Variants in CRTC1 observed in about 807,000 individuals in gnomAD.
CRTC1 encodes CREB regulated transcription coactivator 1, also known as CREB-regulated transcription coactivator 1.
Under a neutral mutation model 66.1 loss-of-function variants are expected in CRTC1, and 18 were observed. The ratio of observed to expected loss-of-function variants is 0.27; its 90% confidence interval spans 0.19 to 0.40. CRTC1 has a LOEUF of 0.40. Ranked by LOEUF, CRTC1 falls within the 10% of genes least tolerant of loss-of-function variation. The pLI is 1.00. For synonymous variants in CRTC1, 416 were observed against 398.8 expected, an observed-to-expected ratio of 1.04 and a Z score of -0.51; for missense variants, 669 against 887.9, an observed-to-expected ratio of 0.75 and a Z score of 3.13.
chr19:18,742,306 C>T (rs1243092956), intron 1 of CRTC1, among the ~76,000 whole-genome samples: 1 of 152,154 alleles, frequency 6.6e-6, no homozygotes, highest in African/African-American at 2.4e-5. Flanking sequence ...CAGCTGGGCC[C>T]AGCCCCCAAG....
intron 3 of CRTC1, among the ~76,000 whole-genome samples, chr19:18,746,309 G>T (rs983862331): frequency 2.0e-5 from 3 of 152,202 alleles, no homozygotes; most frequent in African/African-American, 4.8e-5. Flanking sequence ...AGTCAGGGCT[G>T]TGAGCTGATG....
intron 1 of CRTC1, among the ~76,000 whole-genome samples, chr19:18,700,607 G>C (rs1040432323): frequency 6.6e-6 from 1 of 152,120 alleles, no homozygotes; most frequent in Non-Finnish European, 1.5e-5. Context: ...CTCTGCATCT[G>C]GCACCACTCA....
intron 6 of CRTC1, among the ~76,000 whole-genome samples, chr19:18,755,361 A>G (rs1219951584): frequency 1.3e-5 from 2 of 152,006 alleles, no homozygotes; most frequent in African/African-American, 2.4e-5. Context: ...CTGGACTTAA[A>G]CAGTCCTCTG....
chr19:18,694,163 T>C (rs1441243286), intron 1 of CRTC1, among the ~76,000 whole-genome samples: 1 of 146,418 alleles, frequency 6.8e-6, no homozygotes, highest in Non-Finnish European at 1.5e-5. Flanking sequence ...TAGGCTGGCA[T>C]GGTGGCTCAT....
chr19:18,747,036 C>A lies in CRTC1; in HGVS notation c.382-17C>A. ...CGGGGTCTCAGCCAGTGGCACTGCC[C>A]CCTTAACTCACCTCACGCCGACAGC... On this transcript the variant is annotated splice_polypyrimidine_tract_variant and intron_variant, in intron 3 of 13. Transcript: ENST00000321949. 2 of 1,612,482 alleles carry A rather than the reference C, an allele frequency of 1.2e-6. No homozygotes were observed. Among genetic ancestry groups the A allele is most frequent in the Non-Finnish European group, 1.7e-6 (2 of 1,179,158 alleles).
chr19:18,710,113 G>C (rs904416597), intron 1 of CRTC1, among the ~76,000 whole-genome samples: 1 of 151,488 alleles, frequency 6.6e-6, no homozygotes, highest in Admixed American at 6.6e-5. Context: ...GGGGCCTCCT[G>C]CCTGGAGTGC....
At chr19:18,695,204 G>A (rs964643661) in intron 1 of CRTC1, among the ~76,000 whole-genome samples, 8 of 151,818 alleles carry the variant, frequency 5.3e-5, no homozygotes, top group African/African-American at 1.2e-4. Context: ...TGGGGGTTTC[G>A]CCATGTTTGC....
intron 6 of CRTC1, among the ~76,000 whole-genome samples, chr19:18,758,809 C>G (rs1175896218): frequency 6.6e-6 from 1 of 152,238 alleles, no homozygotes; most frequent in Non-Finnish European, 1.5e-5. Flanking sequence ...TCCCTGGAGA[C>G]TGGTGGCTGC....
At chr19:18,748,102 G>T (rs1299364202) in intron 4 of CRTC1, among the ~76,000 whole-genome samples, 2 of 151,908 alleles carry the variant, frequency 1.3e-5, no homozygotes. Context: ...CAATAATATA[G>T]TTAATATAAA....
Position 18,771,353 on chromosome 19 carries a change from G to T in CRTC1, c.1321-89G>T. 1 of 1,141,744 alleles carries T rather than the reference G, an allele frequency of 8.8e-7. No individual in the cohort carries two copies. The highest frequency in any genetic ancestry group is 1.2e-6 in the Non-Finnish European group (1 of 800,038). 70.7% of individuals were successfully genotyped at this position (1,141,744 alleles called of 1,614,324 possible). Reference sequence around the variant, plus strand: ...GTGAGGGGCGGGGGGACCTGCCTGGGGGCTGATCAGGCTGCTCCCGGGAAG... The same window carrying T: ...GTGAGGGGCGGGGGGACCTGCCTGGTGGCTGATCAGGCTGCTCCCGGGAAG... On this transcript the variant is annotated intron_variant, in intron 10 of 13. Transcript: ENST00000321949. The surrounding 1 kb of genome is among the most constrained non-coding windows in gnomAD (Gnocchi z 4.6).
intron 1 of CRTC1, among the ~76,000 whole-genome samples, chr19:18,720,613 G>A (rs1349974974): frequency 2.9e-5 from 4 of 140,054 alleles, no homozygotes; most frequent in Middle Eastern, 3.8e-3. Flanking sequence ...TGATCCGCCC[G>A]CCTCGGCCTC....
At chr19:18,696,418 G>C (rs1203092925) in intron 1 of CRTC1, among the ~76,000 whole-genome samples, 1 of 152,182 alleles carries the variant, frequency 6.6e-6, no homozygotes, top group African/African-American at 2.4e-5. Flanking sequence ...GGAGTGGCAG[G>C]AACTGGCCTT....
chr19:18,759,460 A>G, intron 6 of CRTC1, 91 bp from the exon 7 acceptor site: 1 of 1,331,422 alleles, frequency 7.5e-7, no homozygotes, highest in East Asian at 2.5e-5. Flanking sequence ...GCTTTGTGGG[A>G]AGATCAGCCG....
chr19:18,780,016 C>A lies in CRTC1; in HGVS notation c.*2634C>A. 4.4e-6 allele frequency: 1 copy of A among 229,556 alleles called. No individual in the cohort carries two copies. Among genetic ancestry groups the A allele is most frequent in the Non-Finnish European group, 8.6e-6 (1 of 115,860 alleles). The allele number at this position is 229,556 out of a possible 1,614,324, so 14.2% of individuals were successfully genotyped here. On this transcript the variant is annotated 3_prime_UTR_variant, in exon 14 of 14. Coordinates refer to ENST00000321949, the MANE Select transcript of CRTC1 (RefSeq NM_015321.3). Reference sequence around the variant, plus strand: ...CGTGTGGTTTTTTTAAATATCACTACTACATATTCTTGAATTGCCAAGACT... The same window carrying A: ...CGTGTGGTTTTTTTAAATATCACTAATACATATTCTTGAATTGCCAAGACT...
Position 18,778,197 on chromosome 19 carries a change from GC to G in CRTC1, c.*819del, listed in dbSNP as rs2055037937. On this transcript the variant is annotated 3_prime_UTR_variant, in exon 14 of 14. Coordinates refer to ENST00000321949, the MANE Select transcript of CRTC1 (RefSeq NM_015321.3). ...ACCTCTTGGGGCTTTACAATCCGTG[GC>G]CCCTCCTGTCCTGCACTGTGGTCAC... The G allele has an allele frequency of 4.3e-6, 1 of 232,846 alleles. No individual in the cohort carries two copies. Among genetic ancestry groups the G allele is most frequent in the African/African-American group, 2.2e-5 (1 of 45,334 alleles). 14.4% of individuals were successfully genotyped at this position (232,846 alleles called of 1,614,324 possible). A position where few individuals can be genotyped will look rare whatever the true frequency, so the allele number is the denominator to read the frequency against.
chr19:18,688,159 C>A (rs1334397348), intron 1 of CRTC1, among the ~76,000 whole-genome samples: 2 of 152,062 alleles, frequency 1.3e-5, no homozygotes, highest in Non-Finnish European at 2.9e-5. Flanking sequence ...ATCAATGCAT[C>A]CGAATGAAGC....
intron 4 of CRTC1, among the ~76,000 whole-genome samples, chr19:18,748,333 C>T (rs1034222550): frequency 6.7e-6 from 1 of 148,388 alleles, no homozygotes; most frequent in African/African-American, 2.5e-5. Flanking sequence ...ACTGCAGCCT[C>T]GACTTCCCAG....
In CRTC1 at chr19:18,765,471, A is replaced by G; in HGVS notation, c.954A>G (p.Thr318=). 6.2e-7 allele frequency: 1 copy of G among 1,612,012 alleles called. No individual in the cohort carries two copies. Among genetic ancestry groups the G allele is most frequent in the Non-Finnish European group, 8.5e-7 (1 of 1,179,806 alleles). The change falls in exon 9 of 14, where the codon ACA becomes ACG. Residue 318 remains threonine, a synonymous_variant. Transcript: ENST00000321949. Reference sequence around the variant, plus strand: ...GCGTCAGCCCCCTGTCCCTGAGCACAGAGGCAAGGCGTCAGCAGGCATCGC... The same window carrying G: ...GCGTCAGCCCCCTGTCCCTGAGCACGGAGGCAAGGCGTCAGCAGGCATCGC... ...PAGVSPLSLS[T]EARRQQASPT...
chr19:18,756,339 A>AG (rs1362610947), intron 6 of CRTC1, among the ~76,000 whole-genome samples: 1 of 149,280 alleles, frequency 6.7e-6, no homozygotes, highest in Non-Finnish European at 1.5e-5. Flanking sequence ...CATCTCAAAA[A>AG]AAAAAAAAAA....
Sources: gnomAD v4.1 joint callset for allele counts (sites outside exome capture counted in the v4.1 genomes callset) on GRCh38, gnomAD v4.1.1 for gene constraint, Gnocchi (gnomAD v3.1) non-coding constraint, MANE v1.5 for transcripts, NCBI Gene and HGNC (gene_info 2026-07-23, HGNC 2026-07-21) for gene names.